Variants in DAB1 observed in about 807,000 individuals in gnomAD.
The protein encoded by DAB1 is DAB adaptor protein 1.
DAB1 carries 15 observed loss-of-function variants against 64.6 expected under a neutral mutation model. The ratio of observed to expected loss-of-function variants is 0.23; its 90% CI spans 0.16 to 0.36. DAB1 has a LOEUF of 0.36. DAB1 is among the 10% of genes least tolerant of loss of function. DAB1 has a pLI of 1.00. For missense variants in DAB1, 596 were observed against 706.7 expected (o/e 0.84, Z 1.78); for synonymous variants, 235 against 251.9 (o/e 0.93, Z 0.64).
chr1:57,306,094 G>A (rs541602178), intron 1 of DAB1, among the ~76,000 whole-genome samples: 3 of 152,244 alleles, frequency 2.0e-5, no homozygotes, highest in African/African-American at 7.2e-5. Flanking sequence ...AATCTGGGAA[G>A]GTAAGTATGA....
At chr1:57,306,442 A>AT (rs142461431) in intron 1 of DAB1, among the ~76,000 whole-genome samples, 2 of 142,748 alleles carry the variant, frequency 1.4e-5, no homozygotes, top group Admixed American at 7.2e-5. Flanking sequence ...CCACAATACT[A>AT]TTTTTTTCTC....
At chr1:57,182,944 A>C (rs1167286552) in intron 2 of DAB1, among the ~76,000 whole-genome samples, 4 of 152,182 alleles carry the variant, frequency 2.6e-5, no homozygotes, top group Admixed American at 6.5e-5. Context: ...TTGATTGTTC[A>C]GTCACACCAG....
intron 3 of DAB1, among the ~76,000 whole-genome samples, chr1:58,425,250 A>C (rs1044530338): frequency 6.6e-6 from 1 of 152,208 alleles, no homozygotes; most frequent in Non-Finnish European, 1.5e-5. Flanking sequence ...TTGTGAGCCT[A>C]AAGATTTTCT....
At position 57,973,934 on chromosome 1, in the gene DAB1, A is replaced by G. The variant is rs1045453578; in HGVS notation, n.388-89772T>C. Reference sequence around the variant, plus strand: ...CTCTCTTACCATAGACCCTCCCAAAATGGCTACTCAATTTTTCCAAATAAA... The same window carrying G: ...CTCTCTTACCATAGACCCTCCCAAAGTGGCTACTCAATTTTTCCAAATAAA... On this transcript the variant is annotated intron_variant and non_coding_transcript_variant, in intron 5 of 20. Transcript: ENST00000485760. Among the ~76,000 whole-genome samples, 10 of 152,276 alleles carry G rather than the reference A, an allele frequency of 6.6e-5. No individual in the cohort carries two copies. The South Asian group carries it at 1.9e-3, about 28-fold the overall frequency.
At chr1:57,821,604 G>T (rs1280216878), downstream of DAB1, among the ~76,000 whole-genome samples, 1 of 152,214 alleles carries the variant, frequency 6.6e-6, no homozygotes. Flanking sequence ...AAGCTTACCT[G>T]GAGGTGTTAT....
At chr1:58,462,281 C>T (rs368428163) in intron 3 of DAB1, among the ~76,000 whole-genome samples, 18 of 152,090 alleles carry the variant, frequency 1.2e-4, no homozygotes, top group African/African-American at 3.6e-4. Flanking sequence ...CGCCCGCCAC[C>T]GCGCCCGGCT....
chr1:57,403,039 C>T (rs868019380), intron 1 of DAB1, among the ~76,000 whole-genome samples: 2 of 152,164 alleles, frequency 1.3e-5, no homozygotes, highest in Non-Finnish European at 2.9e-5. Context: ...ACCTGCATTT[C>T]CCACTCTGAT....
chr1:57,332,120 T>C (rs916151988), intron 1 of DAB1, among the ~76,000 whole-genome samples: 7 of 152,106 alleles, frequency 4.6e-5, no homozygotes, highest in African/African-American at 1.7e-4. Flanking sequence ...CACACCACCA[T>C]GCCTGGCTAA....
rs370977909 is a variant in DAB1 at position 57,274,725 on chromosome 1, C to T, written c.67+16239G>A. On this transcript the variant is annotated intron_variant, in intron 2 of 14. Transcript: ENST00000371236. ...CATCCCAAGTAGCTGGGACTACAGG[C>T]GAGCACCACCACGCCTGACTAATTT... 9.9e-4 allele frequency among the ~76,000 whole-genome samples: 151 copies of T among 152,116 alleles called. 1 individual carries two copies. The highest frequency in any genetic ancestry group is 3.4e-3 in the African/African-American group (140 of 41,508).
At chr1:57,530,807 A>G (rs1644653882) in intron 7 of DAB1, among the ~76,000 whole-genome samples, 1 of 152,176 alleles carries the variant, frequency 6.6e-6, no homozygotes, top group Non-Finnish European at 1.5e-5. Context: ...CTGCAATCCA[A>G]TTAAATGATA....
chr1:57,574,462 T>C (rs1250610380), intron 7 of DAB1, among the ~76,000 whole-genome samples: 1 of 152,230 alleles, frequency 6.6e-6, no homozygotes, highest in Non-Finnish European at 1.5e-5. Context: ...CTTAATTCTA[T>C]TCTTAATCCC....
intron 1 of DAB1, among the ~76,000 whole-genome samples, chr1:57,362,408 C>G (rs1233748155): frequency 1.3e-5 from 2 of 152,170 alleles, no homozygotes; most frequent in African/African-American, 4.8e-5. Flanking sequence ...TATACCTTCT[C>G]AGTGGCACCA....
At chr1:57,346,523 T>C (rs1290071624) in intron 1 of DAB1, among the ~76,000 whole-genome samples, 2 of 152,338 alleles carry the variant, frequency 1.3e-5, no homozygotes, top group African/African-American at 4.8e-5. Context: ...TACTTTGTTA[T>C]AACACACACA....
rs1054361029 is a variant in DAB1 at position 57,404,508 on chromosome 1, C to A, written c.-137+19422G>T. Among the ~76,000 whole-genome samples, 3 of 152,010 alleles carry A rather than the reference C, an allele frequency of 2.0e-5. No individual in the cohort carries two copies. In the South Asian group the frequency reaches 6.2e-4, roughly 32 times the overall value. ...GAACCCATGCTGGTCTGACCTCAAA[C>A]CCTAGCCTCTTTCTCTCTAGAATTA... is the stretch of plus-strand genomic sequence containing the variant. On this transcript the variant is annotated intron_variant, in intron 1 of 14. Coordinates refer to ENST00000371236, the MANE Select transcript of DAB1 (RefSeq NM_001365792.1).
chr1:58,483,678 A>G (rs1420916028), intron 3 of DAB1, among the ~76,000 whole-genome samples: 1 of 152,212 alleles, frequency 6.6e-6, no homozygotes, highest in Non-Finnish European at 1.5e-5. Flanking sequence ...AAGTAAACAG[A>G]AAGTCAGATC....
chr1:57,264,683 G>T (rs1360276315), intron 2 of DAB1, among the ~76,000 whole-genome samples: 1 of 145,178 alleles, frequency 6.9e-6, no homozygotes, highest in East Asian at 2.0e-4. Context: ...TTGAGAGCAG[G>T]TCTCGTGATC....
intron 5 of DAB1, among the ~76,000 whole-genome samples, chr1:58,077,109 C>G (rs1381730788): frequency 2.0e-5 from 3 of 152,108 alleles, no homozygotes; most frequent in South Asian, 4.2e-4. Context: ...ACCCACACCC[C>G]TTCTCTATAG....
At chr1:57,338,492 C>G (rs1677287411) in intron 1 of DAB1, among the ~76,000 whole-genome samples, 1 of 152,152 alleles carries the variant, frequency 6.6e-6, no homozygotes, top group Non-Finnish European at 1.5e-5. Flanking sequence ...TTGCAGTGGT[C>G]ATTCTCAATA....
intron 6 of DAB1, among the ~76,000 whole-genome samples, chr1:57,722,617 C>T (rs1034036114): frequency 1.3e-5 from 2 of 152,164 alleles, no homozygotes; most frequent in African/African-American, 4.8e-5. Context: ...TGAGTTTATC[C>T]AATCTCATGT....
Sources: gnomAD v4.1 joint callset for allele counts (sites outside exome capture counted in the v4.1 genomes callset) on GRCh38, gnomAD v4.1.1 for gene constraint, MANE v1.5 for transcripts, NCBI Gene and HGNC (gene_info 2026-07-23, HGNC 2026-07-21) for gene names.